The following USP24 variants were observed in gnomAD, a reference collection of about 807,000 sequenced individuals.
USP24 encodes ubiquitin specific peptidase 24.
USP24 carries 97 observed loss-of-function variants against 361.6 expected under a neutral mutation model. The observed-to-expected ratio is 0.27, with a 90% CI of 0.23 to 0.32. The LOEUF (loss-of-function observed/expected upper bound fraction) is 0.32. Among genes scored for constraint, USP24 ranks in the 10% least tolerant of loss-of-function variants. The pLI, the probability that USP24 is intolerant of heterozygous loss-of-function variation, is 1.00. For synonymous variants in USP24, 1,098 were observed against 1,124.6 expected (o/e 0.98, Z 0.47); for missense variants, 2,353 against 3,165.6 (o/e 0.74, Z 6.16).
rs573818076 is a variant in USP24 at position 55,187,629 on chromosome 1, A to C, written c.325-9497T>G. On this transcript the variant is annotated intron_variant, in intron 1 of 67. Transcript: ENST00000294383. Reference sequence around the variant, plus strand: ...GTATCAATATACTGTATTTCTATACACTAACAACTGTATTTCTATACACTA... The same window carrying C: ...GTATCAATATACTGTATTTCTATACCCTAACAACTGTATTTCTATACACTA... Among the ~76,000 whole-genome samples the C allele has an allele frequency of 5.3e-5, 8 of 152,318 alleles. No homozygotes were observed. The South Asian group carries it at 1.7e-3, about 32-fold the overall frequency.
At chr1:55,178,475 T>C (rs1457365256) in intron 1 of USP24, among the ~76,000 whole-genome samples, 1 of 151,738 alleles carries the variant, frequency 6.6e-6, no homozygotes, top group Non-Finnish European at 1.5e-5. Context: ...GAGACCATCG[T>C]GGCTAACACG....
chr1:55,072,440 A>C (rs773247869), intron 65 of USP24, 37 bp from the exon 66 acceptor site: 5 of 1,545,412 alleles, frequency 3.2e-6, no homozygotes, highest in Admixed American at 1.7e-5. Context: ...CAGAGGTGAC[A>C]AATAAGCCCC....
chr1:55,097,082 C>A lies in USP24; in HGVS notation c.5806G>T (p.Val1936Leu). 1.2e-6 allele frequency: 2 copies of A among 1,613,976 alleles called. No homozygotes were observed. The highest frequency in any genetic ancestry group is 1.7e-6 in the Non-Finnish European group (2 of 1,179,890). Residue 1936 changes from valine (V) to leucine (L), a missense_variant, in exon 49 of 68, where the codon GTG becomes TTG. Transcript: ENST00000294383. Reference sequence around the variant, plus strand: ...GGGGATCCTCCACCGCCCTGATCCACACTTCGCCCATTTTCCCCAACTTCA... The same window carrying A: ...GGGGATCCTCCACCGCCCTGATCCAAACTTCGCCCATTTTCCCCAACTTCA... Reference protein sequence around the residue: ...SSEVGENGRSVDQGGGGSPRK... With the variant: ...SSEVGENGRSLDQGGGGSPRK...
At chr1:55,168,181 C>T (rs1385380235) in intron 5 of USP24, among the ~76,000 whole-genome samples, 1 of 152,112 alleles carries the variant, frequency 6.6e-6, no homozygotes, top group East Asian at 1.9e-4. Context: ...AAGGGAGCAA[C>T]TGGGGTCAGT....
chr1:55,170,777 CTATT>C (rs890358890), intron 5 of USP24, among the ~76,000 whole-genome samples: 2 of 152,170 alleles, frequency 1.3e-5, no homozygotes, highest in Admixed American at 6.5e-5. Flanking sequence ...ATTCCACCTA[CTATT>C]TATTATGCTG....
chr1:55,208,689 G>C (rs1278995466), intron 1 of USP24, among the ~76,000 whole-genome samples: 1 of 150,764 alleles, frequency 6.6e-6, no homozygotes, highest in Non-Finnish European at 1.5e-5. Context: ...TGTAATCCCA[G>C]CACTCTGGGA....
chr1:55,199,983 G>C (rs1644527957), intron 1 of USP24, among the ~76,000 whole-genome samples: 1 of 152,178 alleles, frequency 6.6e-6, no homozygotes, highest in African/African-American at 2.4e-5. Flanking sequence ...AGATGCAAAA[G>C]CGGAAACTCC....
At chr1:55,118,107 T>C (rs891878997) in intron 38 of USP24, among the ~76,000 whole-genome samples, 8 of 152,076 alleles carry the variant, frequency 5.3e-5, no homozygotes, top group African/African-American at 1.9e-4. Flanking sequence ...CCCAAAGACA[T>C]TTGCAAAAAT....
At chr1:55,103,007 TAACTC>T (rs1478414928) in intron 42 of USP24, among the ~76,000 whole-genome samples, 1 of 152,186 alleles carries the variant, frequency 6.6e-6, no homozygotes, top group Non-Finnish European at 1.5e-5. Context: ...CTGTAATACT[TAACTC>T]AGGCATCCAA....
chr1:55,071,462 G>A (rs1644916777), intron 67 of USP24: 5 of 1,031,856 alleles, frequency 4.8e-6, no homozygotes, highest in Non-Finnish European at 5.8e-6. Context: ...AGGAAGGCTG[G>A]TGAGAGCAAA....
rs942463291 is a variant in USP24 at position 55,072,290 on chromosome 1, C to G, written c.7689+27G>C. On this transcript the variant is annotated intron_variant, in intron 66 of 67. Coordinates refer to ENST00000294383, the MANE Select transcript of USP24 (RefSeq NM_015306.3). ...AAAATCCTCCATAAGTGATTTAGAC[C>G]ACGCAAAAACAAGAGACAACTCTCA... 12 of 1,600,448 alleles carry G rather than the reference C, an allele frequency of 7.5e-6. No homozygotes were observed. In the African/African-American group the frequency reaches 1.1e-4, roughly 14 times the overall value.
intron 31 of USP24, among the ~76,000 whole-genome samples, chr1:55,130,684 T>C (rs1321081858): frequency 6.6e-6 from 1 of 152,174 alleles, no homozygotes; most frequent in African/African-American, 2.4e-5. Flanking sequence ...CTTTCAAATA[T>C]ATATAGCTCT....
chr1:55,079,863 CA>C (rs1645112671), intron 59 of USP24, among the ~76,000 whole-genome samples: 1 of 151,500 alleles, frequency 6.6e-6, no homozygotes, highest in Admixed American at 6.6e-5. Context: ...TACTCGTGCA[CA>C]CTGAGCACTC....
At chr1:55,092,442 G>A (rs1645404322) in intron 53 of USP24, among the ~76,000 whole-genome samples, 1 of 152,170 alleles carries the variant, frequency 6.6e-6, no homozygotes, top group Admixed American at 6.5e-5. Context: ...TACAATCATG[G>A]TACTCAAGGA....
chr1:55,070,708 G>A (rs556616652), intron 67 of USP24, among the ~76,000 whole-genome samples: 5 of 143,886 alleles, frequency 3.5e-5, no homozygotes, highest in Non-Finnish European at 7.9e-5. Context: ...GGCTTTGACA[G>A]GGCAGAAGAG....
chr1:55,169,926 T>A (rs1649284034), intron 5 of USP24, among the ~76,000 whole-genome samples: 1 of 152,078 alleles, frequency 6.6e-6, no homozygotes, highest in East Asian at 1.9e-4. Flanking sequence ...AGCGAGCACA[T>A]GCAACATTCT....
At chr1:55,129,377 T>C in intron 32 of USP24, 100 bp downstream of exon 32, 2 of 871,836 alleles carry the variant, frequency 2.3e-6, no homozygotes, top group Non-Finnish European at 3.6e-6. Context: ...ATGAGTCATA[T>C]GATACCTTGT....
At chr1:55,138,587 T>C in intron 26 of USP24, 21 bp downstream of exon 26, 1 of 1,524,958 alleles carries the variant, frequency 6.6e-7, no homozygotes. Context: ...AAAATGGCTG[T>C]AGTTCTTAAT....
rs964571125 is a variant in USP24, at chr1:55,134,017, C to G, written c.3381+53G>C. The stretch of plus-strand genomic sequence containing the variant: ...TTGATGTGATTTCAGGTTGTATTTT[C>G]ACTCACTGAATTGTGATATAAAATT... On this transcript the variant is annotated intron_variant, in intron 30 of 67. Transcript: ENST00000294383. 3 of 1,430,286 alleles carry G rather than the reference C, an allele frequency of 2.1e-6. No individual in the cohort carries two copies. The African/African-American group carries it at 4.2e-5, about 20-fold the overall frequency. 88.6% of individuals were successfully genotyped at this position (1,430,286 alleles called of 1,614,324 possible). A position where few individuals can be genotyped will look rare whatever the true frequency, so the allele number is the denominator to read the frequency against.
Sources: allele counts gnomAD v4.1 joint callset (sites outside exome capture counted in the v4.1 genomes callset), GRCh38; gene constraint gnomAD v4.1.1; transcripts MANE v1.5; gene names NCBI Gene and HGNC (gene_info 2026-07-23, HGNC 2026-07-21).